Variants in PIWIL3 observed in about 807,000 individuals in gnomAD.
PIWIL3 encodes piwi-like protein 3.
Under a neutral mutation model 109.7 loss-of-function variants are expected in PIWIL3, and 101 were observed. The observed-to-expected ratio is 0.92, with a 90% confidence interval of 0.78 to 1.09. The LOEUF (loss-of-function observed/expected upper bound fraction) is 1.09, where lower values mean the gene tolerates loss of function less well. Ranked by LOEUF, PIWIL3 falls within the 50% of genes least tolerant of loss-of-function variation. The probability of loss-of-function intolerance (pLI) is 0.00; values close to 1 mark genes in which losing one functional copy is unlikely to be tolerated. For synonymous variants in PIWIL3, 373 were observed against 376.4 expected, an observed-to-expected ratio of 0.99 and a Z score of 0.10; for missense variants, 1,031 against 1,072.6, an observed-to-expected ratio of 0.96 and a Z score of 0.54.
chr22:24,724,886 C>A lies in PIWIL3; in HGVS notation c.2231+1G>T. On this transcript the variant is annotated splice_donor_variant, in intron 18 of 20. Coordinates refer to ENST00000616349, the MANE Select transcript of PIWIL3 (RefSeq NM_001255975.1). LOFTEE classifies it high-confidence loss of function. ...TACACATTACAATTAATACAACCTA[C>A]TTGTTAGGAGAGATGGTTTTTAAGT... 1 of 1,612,916 alleles carries A rather than the reference C, an allele frequency of 6.2e-7. No individual in the cohort carries two copies. Among genetic ancestry groups the A allele is most frequent in the Non-Finnish European group, 8.5e-7 (1 of 1,179,390 alleles).
chr22:24,751,912 C>A (rs551722859), intron 8 of PIWIL3, among the ~76,000 whole-genome samples: 1 of 152,350 alleles, frequency 6.6e-6, no homozygotes, highest in African/African-American at 2.4e-5. Context: ...AGTCTTGGCA[C>A]TTAATTCTTT....
chr22:24,752,275 A>G (rs1002340817), intron 8 of PIWIL3, among the ~76,000 whole-genome samples: 1 of 152,238 alleles, frequency 6.6e-6, no homozygotes, highest in African/African-American at 2.4e-5. Flanking sequence ...GGAAGCTTAC[A>G]TAGTTGGATG....
chr22:24,725,157 TA>T (rs1922916399), intron 17 of PIWIL3, 120 bp from the exon 18 acceptor site: 1 of 1,218,746 alleles, frequency 8.2e-7, no homozygotes, highest in Admixed American at 2.2e-5. Context: ...TTTTACTGCT[TA>T]AGTCCTGTCT....
chr22:24,772,902 G>C (rs895820733), intron 1 of PIWIL3, among the ~76,000 whole-genome samples: 1 of 152,146 alleles, frequency 6.6e-6, no homozygotes, highest in African/African-American at 2.4e-5. Flanking sequence ...CAGTTATCTG[G>C]ACCTCAAGCC....
At chr22:24,736,822 G>A (rs1923685329) in intron 12 of PIWIL3, among the ~76,000 whole-genome samples, 1 of 152,218 alleles carries the variant, frequency 6.6e-6, no homozygotes, top group Non-Finnish European at 1.5e-5. Flanking sequence ...CCCTGTCACA[G>A]CAGAAAGCAG....
rs2147649278 is a variant in PIWIL3 at position 24,725,437 on chromosome 22, A to G, written c.2080+8T>C. On this transcript the variant is annotated splice_region_variant and intron_variant, in intron 17 of 20. Coordinates refer to ENST00000616349, the MANE Select transcript of PIWIL3 (RefSeq NM_001255975.1). ...TGTCGGGTTCCCCGACCGCTACAAG[A>G]CACTGACCTTTCAAGCAGATCTCCA... is the stretch of plus-strand genomic sequence containing the variant. 1 of 1,613,576 alleles carries G rather than the reference A, an allele frequency of 6.2e-7. No individual in the cohort carries two copies. Among genetic ancestry groups the G allele is most frequent in the South Asian group, 1.1e-5 (1 of 91,086 alleles).
intron 12 of PIWIL3, among the ~76,000 whole-genome samples, chr22:24,740,194 C>A (rs1264748181): frequency 1.6e-5 from 2 of 123,642 alleles, no homozygotes; most frequent in African/African-American, 6.1e-5. Context: ...GCACTCCAAC[C>A]TGGGCAACGG....
At chr22:24,733,994 C>G in intron 14 of PIWIL3, 90 bp downstream of exon 14, 1 of 1,423,784 alleles carries the variant, frequency 7.0e-7, no homozygotes, top group Non-Finnish European at 9.3e-7. Flanking sequence ...GTTCAGGAAA[C>G]CAACAACAAC....
At chr22:24,766,274 A>T (rs1925785378) in intron 1 of PIWIL3, among the ~76,000 whole-genome samples, 1 of 151,778 alleles carries the variant, frequency 6.6e-6, no homozygotes, top group Admixed American at 6.6e-5. Flanking sequence ...GGTGTGAGCC[A>T]CCATGCCTAG....
intron 8 of PIWIL3, among the ~76,000 whole-genome samples, chr22:24,752,464 G>A (rs555241014): frequency 1.7e-4 from 26 of 152,048 alleles, no homozygotes; most frequent in Non-Finnish European, 3.1e-4. Context: ...GGCACACCTG[G>A]TCCAACCAAT....
intron 12 of PIWIL3, among the ~76,000 whole-genome samples, chr22:24,745,113 C>A (rs1924277156): frequency 6.6e-6 from 1 of 152,152 alleles, no homozygotes; most frequent in South Asian, 2.1e-4. Flanking sequence ...CAATATGCTC[C>A]TGAATGACCA....
At chr22:24,724,641 T>C (rs370376475) in intron 18 of PIWIL3, among the ~76,000 whole-genome samples, 47 of 152,164 alleles carry the variant, frequency 3.1e-4, no homozygotes, top group East Asian at 1.9e-3. Context: ...TTCTCCATGT[T>C]GGTCAGCCTG....
chr22:24,729,622 AATT>A (rs1470202043), intron 14 of PIWIL3, among the ~76,000 whole-genome samples: 8 of 152,298 alleles, frequency 5.3e-5, no homozygotes, highest in African/African-American at 1.4e-4. Context: ...TTGGGAAAAT[AATT>A]ATTAAGTTAT....
intron 12 of PIWIL3, among the ~76,000 whole-genome samples, chr22:24,741,525 C>CA (rs907326535): frequency 2.0e-5 from 3 of 150,840 alleles, no homozygotes; most frequent in African/African-American, 4.9e-5. Flanking sequence ...AACAAACAAA[C>CA]AAAAAAACCA....
chr22:24,765,149 G>A (rs755862735), intron 1 of PIWIL3, among the ~76,000 whole-genome samples: 10 of 152,108 alleles, frequency 6.6e-5, no homozygotes, highest in Non-Finnish European at 1.0e-4. Context: ...ATTTGTCAGC[G>A]TTCTACCAGG....
chr22:24,755,008 G>A (rs1924940756), intron 6 of PIWIL3, 144 bp from the exon 7 acceptor site: 1 of 652,190 alleles, frequency 1.5e-6, no homozygotes, highest in Non-Finnish European at 2.7e-6. Flanking sequence ...GTTACATGAT[G>A]AGGTGGATAT....
intron 12 of PIWIL3, among the ~76,000 whole-genome samples, chr22:24,743,179 TA>T (rs572163583): frequency 1.1e-4 from 16 of 149,786 alleles, no homozygotes; most frequent in Admixed American, 1.3e-4. Context: ...CAATGGCAAT[TA>T]AAAAAAAAAT....
intron 19 of PIWIL3, among the ~76,000 whole-genome samples, chr22:24,721,240 T>C (rs994324119): frequency 6.6e-6 from 1 of 152,222 alleles, no homozygotes; most frequent in Admixed American, 6.5e-5. Flanking sequence ...TTTAAAGATA[T>C]TTCATAGTAT....
intron 12 of PIWIL3, among the ~76,000 whole-genome samples, chr22:24,741,279 C>T (rs1458176983): frequency 1.3e-5 from 2 of 152,196 alleles, no homozygotes; most frequent in African/African-American, 4.8e-5. Context: ...CTTTGGGAGG[C>T]AGAGGTGGGC....
Sources: allele counts gnomAD v4.1 joint callset (sites outside exome capture counted in the v4.1 genomes callset), GRCh38; gene constraint gnomAD v4.1.1; transcripts MANE v1.5; gene names NCBI Gene and HGNC (gene_info 2026-07-23, HGNC 2026-07-21).